Variants in COPS7B observed in about 807,000 individuals in gnomAD.
COPS7B encodes the protein COP9 signalosome subunit 7B.
A neutral mutation model predicts 33.4 loss-of-function variants in COPS7B; 9 were observed. The ratio of observed to expected loss-of-function variants is 0.27; its 90% CI spans 0.16 to 0.47. The LOEUF is 0.47. COPS7B is among the 20% of genes least tolerant of loss of function. The probability of loss-of-function intolerance (pLI) is 0.99; values close to 1 mark genes in which losing one functional copy is unlikely to be tolerated. For missense variants in COPS7B, 242 were observed against 318.2 expected (o/e 0.76, Z 1.82); for synonymous variants, 119 against 126.3 (o/e 0.94, Z 0.39).
intron 6 of COPS7B, among the ~76,000 whole-genome samples, chr2:231,800,971 G>A (rs1231062043): frequency 6.6e-6 from 1 of 152,208 alleles, no homozygotes; most frequent in Non-Finnish European, 1.5e-5. Context: ...GCACACAGAA[G>A]ATACTCACCA....
chr2:231,791,878 T>C (rs888403718), intron 3 of COPS7B, 70 bp downstream of exon 3: 2 of 1,413,250 alleles, frequency 1.4e-6, no homozygotes, highest in African/African-American at 2.8e-5. Flanking sequence ...CCATCAAGGT[T>C]TGAGATATAA....
Position 231,808,157 on chromosome 2 carries a change from C to A in COPS7B, c.*512C>A. On this transcript the variant is annotated 3_prime_UTR_variant, in exon 7 of 7. Coordinates refer to ENST00000350033, the MANE Select transcript of COPS7B (RefSeq NM_022730.4). ...GCTGCTTTCCCTCTCCTGCCTCATC[C>A]CTTGTTGGCAGCTCCAGTTCAGGCC... 1 of 271,808 alleles carries A rather than the reference C, an allele frequency of 3.7e-6. No individual in the cohort carries two copies. The highest frequency in any genetic ancestry group is 7.3e-6 in the Non-Finnish European group (1 of 137,688). The allele number at this position is 271,808 out of a possible 1,614,324, so 16.8% of individuals were successfully genotyped here.
chr2:231,791,988 A>G (rs2049429953), intron 3 of COPS7B, 180 bp downstream of exon 3: 1 of 700,010 alleles, frequency 1.4e-6, no homozygotes, highest in African/African-American at 1.8e-5. Flanking sequence ...CACCTTTTAT[A>G]TTCTAGTGGG....
At position 231,807,651 on chromosome 2, in the gene COPS7B, G is replaced by T. The variant is rs994862473; in HGVS notation, c.*6G>T. 2 of 1,547,278 alleles carry T rather than the reference G, an allele frequency of 1.3e-6. No individual in the cohort carries two copies. Among genetic ancestry groups the T allele is most frequent in the Non-Finnish European group, 1.7e-6 (2 of 1,145,514 alleles). ...TGGTCTCCAGCCGCCACTAGGGCCG[G>T]CTGGGGCAGCTGGCACTCACCAGGC... On this transcript the variant is annotated 3_prime_UTR_variant, in exon 7 of 7. Transcript: ENST00000350033.
upstream of COPS7B, among the ~76,000 whole-genome samples, chr2:231,782,341 G>C (rs1281944041): frequency 6.6e-6 from 1 of 152,218 alleles, no homozygotes; most frequent in Non-Finnish European, 1.5e-5. Context: ...TTGCGAGTGA[G>C]GGAGTGTGAT....
Position 231,791,723 on chromosome 2 carries a change from T to C in COPS7B, c.163-10T>C, listed in dbSNP as rs767242510. 2.5e-6 allele frequency: 4 copies of C among 1,614,006 alleles called. No individual in the cohort carries two copies. The highest frequency in any genetic ancestry group is 1.7e-5 in the Admixed American group (1 of 60,016). On this transcript the variant is annotated splice_polypyrimidine_tract_variant and intron_variant, in intron 2 of 6. Transcript: ENST00000350033. ...TTTGGTCTGTGGTGAACTTTTTTTT[T>C]CCTCTTCAGCTTGCGGAAGGAGCTA...
chr2:231,802,023 C>T (rs945253182), intron 6 of COPS7B, among the ~76,000 whole-genome samples: 1 of 152,158 alleles, frequency 6.6e-6, no homozygotes, highest in Non-Finnish European at 1.5e-5. Flanking sequence ...GATCCGCCTG[C>T]CTCGGTCTCC....
rs2049246740 is a variant in COPS7B at position 231,786,501 on chromosome 2, A to T, written c.-54A>T. ...CCTGCGGGCAGGCGCCGGGAGGCCG[A>T]GCCAGCGACTAAGAGGACCGAGAGG... On this transcript the variant is annotated 5_prime_UTR_variant, in exon 1 of 7. Transcript: ENST00000350033. 1.0e-6 allele frequency: 1 copy of T among 985,908 alleles called. No homozygotes were observed. The allele number at this position is 985,908 out of a possible 1,614,324, so 61.1% of individuals were successfully genotyped here.
intron 3 of COPS7B, chr2:231,793,517 T>G (rs2049479486): frequency 6.6e-6 from 1 of 152,344 alleles, no homozygotes; most frequent in African/African-American, 2.4e-5. Flanking sequence ...GCTATTTATG[T>G]TAGCTGCTGC....
At chr2:231,788,136 G>GTTTT (rs576680336) in intron 1 of COPS7B, among the ~76,000 whole-genome samples, 50 of 114,100 alleles carry the variant, frequency 4.4e-4, no homozygotes, top group Non-Finnish European at 6.8e-4. Context: ...CTCAGGAACT[G>GTTTT]TTTTTTTTTT....
chr2:231,801,119 C>A, intron 6 of COPS7B: 1 of 1,550,040 alleles, frequency 6.5e-7, no homozygotes, highest in Non-Finnish European at 8.7e-7. Context: ...GTGATCTTTT[C>A]TTTATTTGTC....
chr2:231,786,668 C>A, intron 1 of COPS7B, 130 bp downstream of exon 1: 1 of 266,972 alleles, frequency 3.7e-6, no homozygotes, highest in Non-Finnish European at 5.8e-6. Context: ...GGGAGCGCGT[C>A]CCGCGGCTCC....
chr2:231,790,134 T>C (rs1267256388), intron 2 of COPS7B: 1 of 152,268 alleles, frequency 6.6e-6, no homozygotes, highest in South Asian at 2.1e-4. Context: ...GAAAACTGAG[T>C]TCATTTTTCA....
At chr2:231,782,422 A>C (rs1022322033), upstream of COPS7B, among the ~76,000 whole-genome samples, 1 of 152,138 alleles carries the variant, frequency 6.6e-6, no homozygotes, top group Non-Finnish European at 1.5e-5. Context: ...ATTTAATGTG[A>C]TTTCAGGAAG....
intron 4 of COPS7B, among the ~76,000 whole-genome samples, chr2:231,795,001 C>G (rs543197068): frequency 1.3e-5 from 2 of 151,456 alleles, no homozygotes; most frequent in South Asian, 4.2e-4. Flanking sequence ...CTTACTGCAA[C>G]CTCCACCTCC....
chr2:231,797,407 A>G (rs1361662300), intron 5 of COPS7B, among the ~76,000 whole-genome samples: 1 of 152,266 alleles, frequency 6.6e-6, no homozygotes, highest in Non-Finnish European at 1.5e-5. Context: ...AAAACTTAGA[A>G]TAAATAAGAA....
At chr2:231,796,350 G>T (rs1184477810) in intron 5 of COPS7B, 42 bp downstream of exon 5, 2 of 1,582,794 alleles carry the variant, frequency 1.3e-6, no homozygotes, top group Non-Finnish European at 1.7e-6. Context: ...CATGTCTTTT[G>T]TGCCTCTCCT....
chr2:231,781,681 C>A (rs2049134350), upstream of COPS7B: 1 of 668,648 alleles, frequency 1.5e-6, no homozygotes, highest in Non-Finnish European at 2.6e-6. Context: ...TCCCAGCATC[C>A]CCTGCACTCG....
intron 2 of COPS7B, chr2:231,791,519 C>T (rs1188521393): frequency 2.3e-5 from 13 of 563,940 alleles, no homozygotes; most frequent in Non-Finnish European, 4.1e-5. Flanking sequence ...GTAAAACATT[C>T]CTGAGAGAGA....
Sources: allele counts gnomAD v4.1 joint callset (sites outside exome capture counted in the v4.1 genomes callset), GRCh38; gene constraint gnomAD v4.1.1; transcripts MANE v1.5; gene names NCBI Gene and HGNC (gene_info 2026-07-23, HGNC 2026-07-21).